Variants in SUOX observed in about 807,000 individuals in gnomAD.
SUOX encodes sulfite oxidase.
A neutral mutation model predicts 41.9 loss-of-function variants in SUOX; 39 were observed. That is an observed-to-expected ratio of 0.93 (90% CI 0.72 to 1.21). The LOEUF (loss-of-function observed/expected upper bound fraction) is 1.21, where lower values mean the gene tolerates loss of function less well. Ranked by LOEUF, SUOX falls within the 50% of genes most tolerant of loss-of-function variation. SUOX has a pLI of 0.00. For synonymous variants in SUOX, 220 were observed against 268.4 expected, an observed-to-expected ratio of 0.82 and a Z score of 1.76; for missense variants, 633 against 689.5, an observed-to-expected ratio of 0.92 and a Z score of 0.92.
rs762346599 is a variant in SUOX at position 56,004,374 on chromosome 12, G to A, written c.985G>A (p.Ala329Thr). ...ACTGGACTCAGACCCTACTGGGACT[G>A]CCTATGGAGCATCCATCCCTCTGGC... ...EGLDSDPTGT[A>T]YGASIPLARA... The change falls in exon 5 of 5, where the codon GCC becomes ACC. Residue 329 changes from alanine to threonine, a missense_variant. By Grantham distance (58) the Ala-to-Thr change is moderately conservative (BLOSUM62 0). Coordinates refer to ENST00000266971, the MANE Select transcript of SUOX (RefSeq NM_001032386.2). The surrounding 1 kb of genome is among the most constrained non-coding windows in gnomAD (Gnocchi z 4.5). 3 of 1,614,076 alleles carry A rather than the reference G, an allele frequency of 1.9e-6. No individual in the cohort carries two copies. Among genetic ancestry groups the A allele is most frequent in the South Asian group, 2.2e-5 (2 of 91,086 alleles).
intron 2 of SUOX, among the ~76,000 whole-genome samples, chr12:55,998,096 A>AT (rs1342680542): frequency 6.6e-6 from 1 of 152,010 alleles, no homozygotes; most frequent in African/African-American, 2.4e-5. Flanking sequence ...GCTGGGTTCA[A>AT]TTTTTTTTAG....
At chr12:55,999,875 CAG>C (rs1270367465) in intron 2 of SUOX, among the ~76,000 whole-genome samples, 3 of 152,212 alleles carry the variant, frequency 2.0e-5, no homozygotes, top group South Asian at 4.2e-4. Context: ...TAGCTAGATA[CAG>C]AGTGTTGATT....
intron 4 of SUOX, among the ~76,000 whole-genome samples, chr12:56,003,323 A>G (rs1470272829): frequency 6.7e-6 from 1 of 148,766 alleles, no homozygotes; most frequent in Non-Finnish European, 1.5e-5. Flanking sequence ...GTGCAATGGC[A>G]TGATCTCAGC....
intron 2 of SUOX, among the ~76,000 whole-genome samples, chr12:56,000,156 G>A (rs1029753797): frequency 6.6e-6 from 1 of 152,240 alleles, no homozygotes; most frequent in Non-Finnish European, 1.5e-5. Flanking sequence ...GCACTCCTCA[G>A]CCCTTGGGTG....
intron 2 of SUOX, among the ~76,000 whole-genome samples, chr12:56,001,114 CTCTCTT>C (rs1344671762): frequency 6.3e-5 from 6 of 94,492 alleles, no homozygotes; most frequent in African/African-American, 1.9e-4. Context: ...TGTTGTTAAT[CTCTCTT>C]TTTTTTTTTT....
rs765012855 is a variant in SUOX, at chr12:56,003,896, C to A, written c.507C>A (p.Thr169=). 5 of 1,614,098 alleles carry A rather than the reference C, an allele frequency of 3.1e-6. No homozygotes were observed. The highest frequency in any genetic ancestry group is 1.3e-5 in the African/African-American group (1 of 75,022). The part of the protein sequence containing the change: ...ELNPEDKVAP[T]VETSDPYADD... Reference sequence around the variant, plus strand: ...ATCCTGAAGACAAGGTAGCCCCCACCGTGGAGACCTCTGACCCTTATGCTG... The same window carrying A: ...ATCCTGAAGACAAGGTAGCCCCCACAGTGGAGACCTCTGACCCTTATGCTG... The change falls in exon 5 of 5, where the codon ACC becomes ACA. Residue 169 remains threonine (T), a synonymous_variant. Coordinates refer to ENST00000266971, the MANE Select transcript of SUOX (RefSeq NM_001032386.2).
At chr12:56,001,029 C>T (rs1890501028) in intron 2 of SUOX, among the ~76,000 whole-genome samples, 1 of 151,984 alleles carries the variant, frequency 6.6e-6, no homozygotes, top group South Asian at 2.1e-4. Flanking sequence ...TCGTGATCTG[C>T]CCGTCTCAGC....
At position 56,004,266 on chromosome 12, in the gene SUOX, T is replaced by C; in HGVS notation, c.877T>C (p.Trp293Arg). Reference sequence around the variant, plus strand: ...AACAGGAGCCATCAGCACTGCACGCTGGGCTGGGGCACGGCTCTGTGATGT... The same window carrying C: ...AACAGGAGCCATCAGCACTGCACGCCGGGCTGGGGCACGGCTCTGTGATGT... ...WRTGAISTARWAGARLCDVLA... is the reference protein window; with the variant it reads ...WRTGAISTARRAGARLCDVLA... The change falls in exon 5 of 5, where the codon TGG (tryptophan) becomes CGG (arginine). Residue 293 changes from tryptophan to arginine, a missense_variant. Trp to Arg is a moderately radical substitution (Grantham distance 101). Transcript: ENST00000266971. The surrounding 1 kb of genome is among the most constrained non-coding windows in gnomAD (Gnocchi z 4.5). 1 of 1,614,066 alleles carries C rather than the reference T, an allele frequency of 6.2e-7. No individual in the cohort carries two copies. Among genetic ancestry groups the C allele is most frequent in the Non-Finnish European group, 8.5e-7 (1 of 1,180,020 alleles).
rs534061385 is a variant in SUOX, at chr12:56,001,155, C to G, written c.-10-1057C>G. Reference sequence around the variant, plus strand: ...TTTTTTTTTTTTTGAGATGGAGTCTCTCTCTGTTGCCCAGACTGGAGAGCA... The same window carrying G: ...TTTTTTTTTTTTTGAGATGGAGTCTGTCTCTGTTGCCCAGACTGGAGAGCA... On this transcript the variant is annotated intron_variant, in intron 2 of 4. Coordinates refer to ENST00000266971, the MANE Select transcript of SUOX (RefSeq NM_001032386.2). 3.7e-5 allele frequency among the ~76,000 whole-genome samples: 4 copies of G among 108,294 alleles called. No individual in the cohort carries two copies. The East Asian group carries it at 9.7e-4, about 26-fold the overall frequency. The allele number at this position is 108,294 out of a possible 152,430, so 71.0% of individuals were successfully genotyped here.
chr12:56,001,259 G>A (rs1342519082), intron 2 of SUOX: 2 of 151,594 alleles, frequency 1.3e-5, no homozygotes, highest in East Asian at 3.9e-4. Context: ...CGAGTAGCTG[G>A]GGTTACAGGC....
chr12:56,004,954 T>C lies in SUOX; in HGVS notation c.1565T>C (p.Val522Ala), dbSNP rs2136513491. The C allele has an allele frequency of 6.2e-7, 1 of 1,614,212 alleles. No individual in the cohort carries two copies. The highest frequency in any genetic ancestry group is 8.5e-7 in the Non-Finnish European group (1 of 1,180,040). Reference protein sequence around the residue: ...DDGYNVQPDTVAPIWNLRGVL... With the variant: ...DDGYNVQPDTAAPIWNLRGVL... The stretch of plus-strand genomic sequence containing the variant: ...GGTTACAATGTGCAGCCAGACACCG[T>C]GGCCCCAATCTGGAACCTGCGAGGT... The change falls in exon 5 of 5, where the codon GTG becomes GCG. Residue 522 changes from valine to alanine, a missense_variant. By Grantham distance (64) the Val-to-Ala change is moderately conservative. Coordinates refer to ENST00000266971, the MANE Select transcript of SUOX (RefSeq NM_001032386.2). The surrounding 1 kb of genome is among the most constrained non-coding windows in gnomAD (Gnocchi z 4.5).
rs758923989 is a variant in SUOX at position 56,002,602 on chromosome 12, AGCCCCAGC to A, written c.119_126del (p.Arg40ProfsTer6). The A allele has an allele frequency of 5.6e-6, 9 of 1,614,090 alleles. No individual in the cohort carries two copies. Among genetic ancestry groups the A allele is most frequent in the African/African-American group, 1.3e-5 (1 of 75,006 alleles). ...GCCTGCTCCACAAATGATTCATTTC[AGCCCCAGC>A]GCCCCAGCCTCACCTTCTCTGGTGA... On this transcript the variant is annotated frameshift_variant, in exon 4 of 5. Transcript: ENST00000266971. LOFTEE classifies it high-confidence loss of function.
chr12:56,002,330 T>C, intron 3 of SUOX, 59 bp downstream of exon 3: 1 of 1,585,484 alleles, frequency 6.3e-7, no homozygotes, highest in Non-Finnish European at 8.6e-7. Context: ...CTTAGTGTCT[T>C]TTACAATGTC....
Position 56,003,693 on chromosome 12 carries a change from G to A in SUOX, c.304G>A (p.Val102Met), listed in dbSNP as rs754775064. The A allele has an allele frequency of 1.9e-6, 3 of 1,613,612 alleles. No individual in the cohort carries two copies. The highest frequency in any genetic ancestry group is 1.1e-5 in the South Asian group (1 of 91,050). Residue 102 changes from valine to methionine, a missense_variant, in exon 5 of 5, where the codon GTG becomes ATG. By Grantham distance (21) the Val-to-Met change is conservative (BLOSUM62 1). Transcript: ENST00000266971. ...CACCAGCCCTGAGACTGGGATCTGG[G>A]TGACTCTGGGCTCTGAGGTCTTTGA... ...SHTSPETGIWVTLGSEVFDVT... is the reference protein window; with the variant it reads ...SHTSPETGIWMTLGSEVFDVT...
chr12:56,001,951 G>C, intron 2 of SUOX: 1 of 1,349,232 alleles, frequency 7.4e-7, no homozygotes, highest in Non-Finnish European at 9.6e-7. Context: ...GGAGAAAGGT[G>C]ATTCTGATTC....
At chr12:56,003,137 T>C (rs537798722) in intron 4 of SUOX, 2 of 280,646 alleles carry the variant, frequency 7.1e-6, no homozygotes, top group South Asian at 8.0e-5. Context: ...GAGTTCACAG[T>C]GACGCAGTCT....
intron 2 of SUOX, among the ~76,000 whole-genome samples, chr12:55,999,040 C>T (rs913929140): frequency 9.2e-5 from 14 of 152,002 alleles, no homozygotes; most frequent in African/African-American, 3.1e-4. Flanking sequence ...TCTTGAACTC[C>T]TGGAGTCAAG....
In SUOX at chr12:56,004,848, G is replaced by C; in HGVS notation, c.1459G>C (p.Ala487Pro). 6.2e-7 allele frequency: 1 copy of C among 1,614,202 alleles called. No homozygotes were observed. Among genetic ancestry groups the C allele is most frequent in the Non-Finnish European group, 8.5e-7 (1 of 1,180,038 alleles). The change falls in exon 5 of 5, where the codon GCA becomes CCA. Residue 487 changes from alanine (A) to proline (P), a missense_variant. Physicochemically the swap from Ala to Pro is conservative, Grantham distance 27 (BLOSUM62 -1). Coordinates refer to ENST00000266971, the MANE Select transcript of SUOX (RefSeq NM_001032386.2). The surrounding 1 kb of genome is among the most constrained non-coding windows in gnomAD (Gnocchi z 4.5). ...GGAACAGCGCCCCAGGAAGGCCTGG[G>C]CATGGCGTCTGTGGCAGTTGAAAGC... Reference protein sequence around the residue: ...GEEQRPRKAWAWRLWQLKAPV... With the variant: ...GEEQRPRKAWPWRLWQLKAPV...
chr12:56,002,786 G>A (rs757330461), intron 4 of SUOX, 66 bp downstream of exon 4: 1 of 1,600,746 alleles, frequency 6.2e-7, no homozygotes, highest in South Asian at 1.1e-5. Context: ...TGTTATCCCA[G>A]CACTATAGGA....
Sources: allele counts gnomAD v4.1 joint callset (sites outside exome capture counted in the v4.1 genomes callset), GRCh38; gene constraint gnomAD v4.1.1; non-coding constraint Gnocchi (gnomAD v3.1); transcripts MANE v1.5; gene names NCBI Gene and HGNC (gene_info 2026-07-23, HGNC 2026-07-21).